Variants in MAP3K13 observed in about 807,000 individuals in gnomAD.
MAP3K13 encodes leucine zipper-bearing kinase.
MAP3K13 carries 52 observed loss-of-function variants against 104.0 expected under a neutral mutation model. That is an observed-to-expected ratio of 0.50 (90% CI 0.40 to 0.63). MAP3K13 has a LOEUF of 0.63. MAP3K13 is among the 20% of genes least tolerant of loss of function. The probability of loss-of-function intolerance (pLI) is 0.00; values close to 1 mark genes in which losing one functional copy is unlikely to be tolerated. For missense variants in MAP3K13, 914 were observed against 1,218.5 expected (o/e 0.75, Z 3.72); for synonymous variants, 394 against 442.2 (o/e 0.89, Z 1.37).
chr3:185,459,419 A>C (rs572287195), intron 7 of MAP3K13, among the ~76,000 whole-genome samples: 1 of 152,128 alleles, frequency 6.6e-6, no homozygotes, highest in Admixed American at 6.6e-5. Flanking sequence ...TAAAATAAAG[A>C]TAGTATAAAA....
upstream of MAP3K13, chr3:185,362,937 ACACACACACACACACACACG>A (rs1422547998): frequency 8.3e-4 from 87 of 105,178 alleles, 1 homozygote; most frequent in Middle Eastern, 0.011. Context: ...TGAAACACAC[ACACACACACACACACACACG>A]CACACACACA....
At chr3:185,424,781 T>TATCC (rs2108798793) in intron 1 of MAP3K13, among the ~76,000 whole-genome samples, 1 of 152,350 alleles carries the variant, frequency 6.6e-6, no homozygotes, top group East Asian at 1.9e-4. Flanking sequence ...TAACGTTCTA[T>TATCC]ATCCACAGAA....
intron 7 of MAP3K13, among the ~76,000 whole-genome samples, chr3:185,459,745 C>T (rs1040475148): frequency 1.7e-4 from 26 of 152,112 alleles, no homozygotes; most frequent in African/African-American, 5.6e-4. Context: ...CCACTCCACC[C>T]GGCCGATTTT....
chr3:185,337,499 G>A (rs1052270782), intron 2 of MAP3K13, among the ~76,000 whole-genome samples: 1 of 152,316 alleles, frequency 6.6e-6, no homozygotes, highest in South Asian at 2.1e-4. Flanking sequence ...AATAAGTGGA[G>A]GCAGAATGCC....
chr3:185,384,382 G>A (rs1711561770), intron 1 of MAP3K13, among the ~76,000 whole-genome samples: 1 of 151,182 alleles, frequency 6.6e-6, no homozygotes, highest in Non-Finnish European at 1.5e-5. Flanking sequence ...GAATACTTGA[G>A]TTGATTCCAT....
intron 2 of MAP3K13, among the ~76,000 whole-genome samples, chr3:185,340,865 T>C (rs1398567751): frequency 6.6e-6 from 1 of 152,184 alleles, no homozygotes; most frequent in East Asian, 1.9e-4. Context: ...GTAAGTTTCC[T>C]GAGGCCTCCC....
At chr3:185,381,405 G>A (rs1724715262) in intron 1 of MAP3K13, among the ~76,000 whole-genome samples, 1 of 152,120 alleles carries the variant, frequency 6.6e-6, no homozygotes, top group Admixed American at 6.5e-5. Context: ...TCACCTAGTG[G>A]CTAGAATCTA....
At chr3:185,404,676 A>G (rs761004398) in intron 1 of MAP3K13, among the ~76,000 whole-genome samples, 1 of 152,138 alleles carries the variant, frequency 6.6e-6, no homozygotes, top group Non-Finnish European at 1.5e-5. Flanking sequence ...TTCTGGGTTC[A>G]AGTGATTCTC....
intron 2 of MAP3K13, among the ~76,000 whole-genome samples, chr3:185,333,335 AAGATGAGATGATGTATATT>A (rs1722351360): frequency 6.6e-6 from 1 of 152,234 alleles, no homozygotes; most frequent in Non-Finnish European, 1.5e-5. Context: ...GATTGTTGTA[AAGATGAGATGATGTATATT>A]AGATACTTAG....
At chr3:185,417,103 G>C (rs972951823) in intron 1 of MAP3K13, among the ~76,000 whole-genome samples, 14 of 152,146 alleles carry the variant, frequency 9.2e-5, no homozygotes, top group African/African-American at 2.7e-4. Context: ...AAGAAGGAAA[G>C]AGACTAGCAT....
intron 1 of MAP3K13, among the ~76,000 whole-genome samples, chr3:185,416,052 C>T (rs1005031915): frequency 5.9e-5 from 9 of 152,156 alleles, no homozygotes; most frequent in South Asian, 2.1e-4. Context: ...AAGTTGCATA[C>T]ATTTGGGATT....
intron 7 of MAP3K13, among the ~76,000 whole-genome samples, chr3:185,455,740 T>G (rs1187554982): frequency 7.1e-5 from 3 of 42,518 alleles, no homozygotes; most frequent in South Asian, 9.0e-4. Flanking sequence ...ATATATGAGA[T>G]ATATATATGA....
At chr3:185,300,488 T>A (rs1057264000) in intron 2 of MAP3K13, among the ~76,000 whole-genome samples, 9 of 147,736 alleles carry the variant, frequency 6.1e-5, no homozygotes, top group Non-Finnish European at 1.3e-4. Flanking sequence ...TTCCTTATTT[T>A]TTTTTTCTTT....
intron 7 of MAP3K13, among the ~76,000 whole-genome samples, chr3:185,458,172 C>T (rs1484322322): frequency 6.6e-6 from 1 of 151,914 alleles, no homozygotes; most frequent in African/African-American, 2.4e-5. Context: ...AGTTCAAGAC[C>T]AGTCTGGGCA....
intron 2 of MAP3K13, among the ~76,000 whole-genome samples, chr3:185,354,594 G>T (rs1343834785): frequency 1.1e-5 from 1 of 88,498 alleles, no homozygotes; most frequent in Non-Finnish European, 2.4e-5. Flanking sequence ...ACAACACTGG[G>T]ACTGTTATAA....
intron 12 of MAP3K13, among the ~76,000 whole-genome samples, chr3:185,478,983 T>C (rs1048081141): frequency 1.3e-5 from 2 of 152,238 alleles, no homozygotes; most frequent in Non-Finnish European, 2.9e-5. Flanking sequence ...TGTTTTCTTA[T>C]GTTTTTTTAA....
rs79921610 is a variant in MAP3K13 at position 185,326,467 on chromosome 3, G to A, written c.-86+40824G>A. On this transcript the variant is annotated intron_variant, in intron 2 of 14. Coordinates refer to the MAP3K13 transcript ENST00000424227. ...TTCCTCAGCTCCCACAAGAAAGCCC[G>A]TCCTTACAGTAGCAGCTGACATTTA... Among the ~76,000 whole-genome samples, 881 of 152,156 alleles carry A rather than the reference G, an allele frequency of 5.8e-3. 12 individuals carry two copies. The highest frequency in any genetic ancestry group is 0.02 in the African/African-American group (823 of 41,502).
At chr3:185,415,256 G>T (rs1222314446) in intron 1 of MAP3K13, among the ~76,000 whole-genome samples, 1 of 152,062 alleles carries the variant, frequency 6.6e-6, no homozygotes, top group African/African-American at 2.4e-5. Flanking sequence ...GGCTTCAAGA[G>T]GTTCTCATGC....
At chr3:185,469,274 G>A (rs971488056) in intron 10 of MAP3K13, among the ~76,000 whole-genome samples, 4 of 152,178 alleles carry the variant, frequency 2.6e-5, no homozygotes, top group Non-Finnish European at 5.9e-5. Flanking sequence ...TGTCATAAGT[G>A]AGTACAGTCC....
Sources: gnomAD v4.1 joint callset for allele counts (sites outside exome capture counted in the v4.1 genomes callset) on GRCh38, gnomAD v4.1.1 for gene constraint, MANE v1.5 for transcripts, NCBI Gene and HGNC (gene_info 2026-07-23, HGNC 2026-07-21) for gene names.